NELL1: variants seen among roughly 807,000 people sequenced by gnomAD.
NELL1 encodes neural EGFL like 1.
NELL1 carries 76 observed loss-of-function variants against 107.4 expected under a neutral mutation model. That is an observed-to-expected ratio of 0.71 (90% CI 0.59 to 0.86). NELL1 has a LOEUF of 0.86. Ranked by LOEUF, NELL1 falls within the 40% of genes least tolerant of loss-of-function variation. NELL1 has a pLI of 0.00. For missense variants in NELL1, 1,024 were observed against 1,005.5 expected (o/e 1.02, Z -0.25); for synonymous variants, 353 against 341.2 (o/e 1.03, Z -0.38).
chr11:21,042,590 A>G (rs1201023597), intron 12 of NELL1, among the ~76,000 whole-genome samples: 1 of 152,182 alleles, frequency 6.6e-6, no homozygotes, highest in African/African-American at 2.4e-5. Context: ...CAGAGAAGCC[A>G]GAAGTTGTCT....
At chr11:21,549,950 T>C (rs576564867) in intron 16 of NELL1, among the ~76,000 whole-genome samples, 117 of 151,884 alleles carry the variant, frequency 7.7e-4, no homozygotes, top group African/African-American at 2.6e-3. Context: ...GGCTTCAACA[T>C]GAGTCAGGAA....
chr11:21,310,212 A>G (rs1849721285), intron 14 of NELL1, among the ~76,000 whole-genome samples: 1 of 152,104 alleles, frequency 6.6e-6, no homozygotes, highest in African/African-American at 2.4e-5. Flanking sequence ...CTCAGATTTG[A>G]AACCAGATCT....
chr11:21,138,819 G>T (rs904393762), intron 13 of NELL1, among the ~76,000 whole-genome samples: 15 of 152,140 alleles, frequency 9.9e-5, no homozygotes, highest in Admixed American at 6.6e-5. Context: ...TCATGGAGGG[G>T]TCCTTCCTCT....
At chr11:21,524,455 A>C (rs1855801356) in intron 15 of NELL1, among the ~76,000 whole-genome samples, 1 of 152,176 alleles carries the variant, frequency 6.6e-6, no homozygotes, top group African/African-American at 2.4e-5. Flanking sequence ...TAGAACTGTT[A>C]AACACTATAG....
intron 15 of NELL1, among the ~76,000 whole-genome samples, chr11:21,388,326 G>A (rs1438015836): frequency 6.6e-6 from 1 of 151,662 alleles, no homozygotes; most frequent in Non-Finnish European, 1.5e-5. Context: ...TTCTCAATCT[G>A]TATCTCCCAA....
At chr11:21,534,915 C>T (rs1318871405) in intron 16 of NELL1, among the ~76,000 whole-genome samples, 1 of 152,146 alleles carries the variant, frequency 6.6e-6, no homozygotes, top group Non-Finnish European at 1.5e-5. Context: ...GTTTGAATCT[C>T]ATCTCTTATA....
chr11:21,456,699 C>A (rs923845484), intron 15 of NELL1, among the ~76,000 whole-genome samples: 1 of 151,974 alleles, frequency 6.6e-6, no homozygotes, highest in African/African-American at 2.4e-5. Flanking sequence ...AAGGAGCCAG[C>A]CTACTATACA....
At chr11:20,762,353 C>T (rs1212739416) in intron 2 of NELL1, among the ~76,000 whole-genome samples, 4 of 152,186 alleles carry the variant, frequency 2.6e-5, no homozygotes, top group Non-Finnish European at 5.9e-5. Flanking sequence ...TCTTTGTACA[C>T]TGAGCACGTC....
intron 13 of NELL1, among the ~76,000 whole-genome samples, chr11:21,162,996 T>A (rs1456947273): frequency 1.3e-5 from 2 of 152,204 alleles, no homozygotes; most frequent in African/African-American, 4.8e-5. Context: ...TAATTTTAAA[T>A]GATTGCACTG....
rs2134171862 is a variant in NELL1, at chr11:20,927,301, T to C, written c.760-7T>C. 1 of 1,600,652 alleles carries C rather than the reference T, an allele frequency of 6.2e-7. No individual in the cohort carries two copies. Among genetic ancestry groups the C allele is most frequent in the South Asian group, 1.1e-5 (1 of 87,388 alleles). On this transcript the variant is annotated splice_polypyrimidine_tract_variant and splice_region_variant and intron_variant, in intron 7 of 19. Transcript: ENST00000357134. ...CAGAAATTACATTCAGTAACTCTTG[T>C]TTGCAGCTAAATTATGCAGAGACAA...
intron 12 of NELL1, among the ~76,000 whole-genome samples, chr11:20,984,206 C>A (rs1486448612): frequency 1.3e-5 from 2 of 152,158 alleles, no homozygotes; most frequent in Non-Finnish European, 2.9e-5. Context: ...TGATTCTGGA[C>A]ATTTTCCCCA....
intron 16 of NELL1, among the ~76,000 whole-genome samples, chr11:21,558,995 A>C (rs1439948330): frequency 3.3e-5 from 5 of 152,260 alleles, no homozygotes; most frequent in Admixed American, 2.0e-4. Flanking sequence ...CCATACAGGC[A>C]TCATAATTTG....
intron 3 of NELL1, among the ~76,000 whole-genome samples, chr11:20,785,969 A>T (rs914572652): frequency 5.9e-5 from 9 of 152,016 alleles, no homozygotes; most frequent in Admixed American, 5.9e-4. Flanking sequence ...GGTTTCTAAT[A>T]GAGCCCAAGG....
intron 15 of NELL1, among the ~76,000 whole-genome samples, chr11:21,406,413 A>T: frequency 1.3e-5 from 1 of 78,554 alleles, no homozygotes; most frequent in East Asian, 3.8e-4. Context: ...AATAATAATT[A>T]CCAGAAGAAG....
rs1447567905 is a variant in NELL1, at chr11:21,290,432, T to TAA, written c.1549+60979_1549+60980insAA. On this transcript the variant is annotated intron_variant, in intron 14 of 19. Coordinates refer to ENST00000357134, the MANE Select transcript of NELL1 (RefSeq NM_006157.5). ...ATAAATAAATAAATAAATAAATAAA[T>TAA]ATTCCTTCCTGCTGGCTCTGAAGAG... Among the ~76,000 whole-genome samples, 4 of 150,836 alleles carry TAA rather than the reference T, an allele frequency of 2.7e-5. No homozygotes were observed. The South Asian group carries it at 8.4e-4, about 32-fold the overall frequency.
intron 4 of NELL1, among the ~76,000 whole-genome samples, chr11:20,865,367 G>C (rs1849076309): frequency 6.6e-6 from 1 of 152,160 alleles, no homozygotes; most frequent in Non-Finnish European, 1.5e-5. Context: ...TCAAAAGAGG[G>C]TGTGCTCAGG....
At chr11:20,899,019 G>A (rs1305647139) in intron 5 of NELL1, among the ~76,000 whole-genome samples, 1 of 151,968 alleles carries the variant, frequency 6.6e-6, no homozygotes, top group African/African-American at 2.4e-5. Context: ...GGTAATTAGA[G>A]GGAAAATGGA....
At chr11:21,467,316 A>T (rs1412558052) in intron 15 of NELL1, among the ~76,000 whole-genome samples, 1 of 152,080 alleles carries the variant, frequency 6.6e-6, no homozygotes, top group Non-Finnish European at 1.5e-5. Context: ...TCAATGAGTC[A>T]ATAATGTTTT....
At chr11:21,366,996 C>T (rs4923569) in intron 14 of NELL1, among the ~76,000 whole-genome samples, 85,988 of 151,686 alleles carry the variant, frequency 0.57, 24,592 homozygotes, top group Middle Eastern at 0.58. Flanking sequence ...TCTGCAAACC[C>T]ACCTTCTCAT....
Sources: allele counts gnomAD v4.1 joint callset (sites outside exome capture counted in the v4.1 genomes callset), GRCh38; gene constraint gnomAD v4.1.1; transcripts MANE v1.5; gene names NCBI Gene and HGNC (gene_info 2026-07-23, HGNC 2026-07-21).